The following NT5DC4 variants were observed in gnomAD, a reference collection of about 807,000 sequenced individuals.
NT5DC4 encodes the protein 5'-nucleotidase domain-containing protein 4.
In NT5DC4, 44 loss-of-function variants were observed where a neutral mutation model predicts 26.6. That is an observed-to-expected ratio of 1.65 (90% CI 1.30 to 2.13). The LOEUF (loss-of-function observed/expected upper bound fraction) is 2.13. NT5DC4 is among the 30% of genes most tolerant of loss of function. NT5DC4 has a pLI of 0.00. For synonymous variants in NT5DC4, 157 were observed against 86.7 expected, an observed-to-expected ratio of 1.81 and a Z score of -4.51; for missense variants, 399 against 228.1, an observed-to-expected ratio of 1.75 and a Z score of -4.83.
chr2:112,736,036 G>A lies in NT5DC4; in HGVS notation c.1345-2877G>A, dbSNP rs182085749. On this transcript the variant is annotated intron_variant, in intron 16 of 16. Coordinates refer to ENST00000688554, the MANE Select transcript of NT5DC4 (RefSeq NM_001393655.1). ...ATAAAACCACCATAAAGAGACAACT[G>A]ACTCCTAGGCCTGGGGTCAGGGGAG... Among the ~76,000 whole-genome samples the A allele has an allele frequency of 5.1e-3, 779 of 152,156 alleles. 5 individuals are homozygous for A. Among genetic ancestry groups the A allele is most frequent in the African/African-American group, 0.017 (720 of 41,500 alleles).
At chr2:112,741,253 T>C (rs1307694316), downstream of NT5DC4, among the ~76,000 whole-genome samples, 1 of 152,134 alleles carries the variant, frequency 6.6e-6, no homozygotes, top group Non-Finnish European at 1.5e-5. Context: ...ACGTAGATTC[T>C]TGACACCCTT....
chr2:112,720,494 A>G (rs892081123), upstream of NT5DC4, among the ~76,000 whole-genome samples: 16 of 152,188 alleles, frequency 1.1e-4, no homozygotes, highest in Middle Eastern at 6.8e-3. Flanking sequence ...GAGTATTTAG[A>G]ACTCTACACT....
chr2:112,721,313 C>A (rs1676839932), intron 1 of NT5DC4, among the ~76,000 whole-genome samples, 160 bp downstream of exon 1: 1 of 152,250 alleles, frequency 6.6e-6, no homozygotes, highest in Non-Finnish European at 1.5e-5. Context: ...ATAGCTGTAA[C>A]AACCCATCAG....
intron 16 of NT5DC4, among the ~76,000 whole-genome samples, chr2:112,734,169 A>ATATATATATGTGTGTGTG (rs150412692): frequency 7.4e-6 from 1 of 134,866 alleles, no homozygotes; most frequent in South Asian, 2.5e-4. Context: ...TATTATATAT[A>ATATATATATGTGTGTGTG]TGTGTGTGTG....
Position 112,725,164 on chromosome 2 carries a change from G to C in NT5DC4, c.916-10G>C, listed in dbSNP as rs1422669844. On this transcript the variant is annotated splice_polypyrimidine_tract_variant and intron_variant, in intron 11 of 16. Transcript: ENST00000688554. ...TCTCCTGGCTCCAGGGCACCCCTCT[G>C]CCCCTCCAGGACTCAGGAAAGCTCC... is the stretch of plus-strand genomic sequence containing the variant. The C allele has an allele frequency of 5.6e-6, 4 of 713,882 alleles. No individual in the cohort carries two copies. The highest frequency in any genetic ancestry group is 4.0e-5 in the Admixed American group (2 of 49,874). The allele number at this position is 713,882 out of a possible 1,614,324, so 44.2% of individuals were successfully genotyped here. A position where few individuals can be genotyped will look rare whatever the true frequency, so the allele number is the denominator to read the frequency against.
upstream of NT5DC4, among the ~76,000 whole-genome samples, chr2:112,719,920 CTTTCTCTTTCTTTCTTTCTT>C (rs1676691096): frequency 1.1e-5 from 1 of 87,922 alleles, no homozygotes; most frequent in Non-Finnish European, 2.0e-5. Flanking sequence ...TTCTTTCTTT[CTTTCTCTTTCTTTCTTTCTT>C]TCTTTCTTTC....
Position 112,725,168 on chromosome 2 carries a change from C to A in NT5DC4, c.916-6C>A, listed in dbSNP as rs960449852. The A allele has an allele frequency of 1.1e-5, 8 of 715,460 alleles. No homozygotes were observed. Among genetic ancestry groups the A allele is most frequent in the Admixed American group, 2.0e-5 (1 of 49,920 alleles). The allele number at this position is 715,460 out of a possible 1,614,324, so 44.3% of individuals were successfully genotyped here. A position where few individuals can be genotyped will look rare whatever the true frequency, so the allele number is the denominator to read the frequency against. On this transcript the variant is annotated splice_region_variant and splice_polypyrimidine_tract_variant and intron_variant, in intron 11 of 16. Transcript: ENST00000688554. ...CTGGCTCCAGGGCACCCCTCTGCCC[C>A]TCCAGGACTCAGGAAAGCTCCACGT... is the stretch of plus-strand genomic sequence containing the variant.
In NT5DC4 at chr2:112,721,138, A is replaced by G. The variant is rs1676824983; in HGVS notation, c.59A>G (p.Gln20Arg). The change falls in exon 1 of 17, where the codon CAG becomes CGG. Residue 20 changes from glutamine to arginine, a missense_variant. Coordinates refer to ENST00000688554, the MANE Select transcript of NT5DC4 (RefSeq NM_001393655.1). ...CTGGTCTCCCCTCAAGGCCCGAAGC[A>G]GGACTGGCACCAGCGGTGAGATGGG... ...EGLVSPQGPK[Q>R]DWHQRIFVNR... is the part of the protein sequence containing the mutation. 6.6e-6 allele frequency among the ~76,000 whole-genome samples: 1 copy of G among 152,206 alleles called. No homozygotes were observed. The highest frequency in any genetic ancestry group is 2.4e-5 in the African/African-American group (1 of 41,450).
chr2:112,734,169 ATGTGTGTGTGTGTGTGTGTGTG>A (rs59851361), intron 16 of NT5DC4, among the ~76,000 whole-genome samples: 2 of 134,786 alleles, frequency 1.5e-5, no homozygotes, highest in Non-Finnish European at 3.1e-5. Context: ...TATTATATAT[ATGTGTGTGTGTGTGTGTGTGTG>A]TGTGTGTGTG....
chr2:112,719,075 T>C (rs1324201287), upstream of NT5DC4, among the ~76,000 whole-genome samples: 1 of 152,252 alleles, frequency 6.6e-6, no homozygotes, highest in African/African-American at 2.4e-5. Flanking sequence ...GATTTCACCA[T>C]TGTGTGATGT....
intron 10 of NT5DC4, 48 bp from the exon 11 acceptor site, chr2:112,724,733 T>G: frequency 1.4e-6 from 1 of 710,108 alleles, no homozygotes. Context: ...TGTGGCAAGG[T>G]CAGATTTACC....
chr2:112,725,010 C>T lies in NT5DC4; in HGVS notation c.915+104C>T, dbSNP rs143120175. The T allele has an allele frequency of 4.1e-3, 2,749 of 664,412 alleles. 42 individuals carry two copies. The highest frequency in any genetic ancestry group is 1.7e-3 in the Non-Finnish European group (619 of 355,318). 41.2% of individuals were successfully genotyped at this position (664,412 alleles called of 1,614,324 possible). On this transcript the variant is annotated intron_variant, in intron 11 of 16. Coordinates refer to ENST00000688554, the MANE Select transcript of NT5DC4 (RefSeq NM_001393655.1). ...TGGCAGCTCTGCTGGCCTGTCTGTC[C>T]CTGGAGGCAGGGAACCCGAGGCCGC...
chr2:112,725,244 C>T lies in NT5DC4; in HGVS notation c.982+4C>T. 2.8e-6 allele frequency: 2 copies of T among 709,064 alleles called. No homozygotes were observed. The highest frequency in any genetic ancestry group is 5.4e-5 in the East Asian group (2 of 36,986). The allele number at this position is 709,064 out of a possible 1,614,324, so 43.9% of individuals were successfully genotyped here. A position where few individuals can be genotyped will look rare whatever the true frequency, so the allele number is the denominator to read the frequency against. ...CACTGTGCTGTCTACTCTGGAGGTA[C>T]CAGCTCCCACCATGCCCCATCACTC... On this transcript the variant is annotated splice_donor_region_variant and intron_variant, in intron 12 of 16. Coordinates refer to ENST00000688554, the MANE Select transcript of NT5DC4 (RefSeq NM_001393655.1).
chr2:112,723,747 T>C lies in NT5DC4; in HGVS notation c.701T>C (p.Met234Thr), dbSNP rs944056725. The part of the protein sequence containing the change: ...DPRLPILLGK[M>T]KEVGKVFLAT... ...CGCCTCCCCATCCTGCTGGGGAAGA[T>C]GAAGGAGGTTGGGAAAGTGTTTCTG... Residue 234 changes from methionine to threonine, a missense_variant, in exon 9 of 17, where the codon ATG (methionine) becomes ACG (threonine). Coordinates refer to ENST00000688554, the MANE Select transcript of NT5DC4 (RefSeq NM_001393655.1). The C allele has an allele frequency of 2.8e-6, 2 of 717,114 alleles. No individual in the cohort carries two copies. Among genetic ancestry groups the C allele is most frequent in the African/African-American group, 1.7e-5 (1 of 57,236 alleles). The allele number at this position is 717,114 out of a possible 1,614,324, so 44.4% of individuals were successfully genotyped here. A position where few individuals can be genotyped will look rare whatever the true frequency, so the allele number is the denominator to read the frequency against.
intron 16 of NT5DC4, among the ~76,000 whole-genome samples, chr2:112,733,149 C>A (rs547575111): frequency 6.6e-6 from 1 of 152,200 alleles, no homozygotes; most frequent in South Asian, 2.1e-4. Context: ...ACCTCCTACC[C>A]AGACACATTC....
intron 1 of NT5DC4, chr2:112,721,519 G>A (rs1676856626): frequency 2.8e-6 from 2 of 717,918 alleles, no homozygotes; most frequent in Non-Finnish European, 5.2e-6. Flanking sequence ...CTTTCTTACA[G>A]GGTTGGATGC....
rs886101943 is a variant in NT5DC4 at position 112,724,782 on chromosome 2, C to T, written c.791C>T (p.Ala264Val). ...IMTYLFSISE[A>V]EASGRPWRSY... is the part of the protein sequence containing the mutation. The stretch of plus-strand genomic sequence containing the variant: ...GCAGCCCGTGTGCACCCCCAACAGG[C>T]TGAAGCCTCGGGCAGGCCCTGGAGG... The change falls in exon 11 of 17, where the codon GCT becomes GTT. Residue 264 changes from alanine (A) to valine (V), a missense_variant and splice_region_variant. Physicochemically the swap from Ala to Val is moderately conservative, Grantham distance 64. Coordinates refer to ENST00000688554, the MANE Select transcript of NT5DC4 (RefSeq NM_001393655.1). 36 of 716,934 alleles carry T rather than the reference C, an allele frequency of 5.0e-5. No homozygotes were observed. Among genetic ancestry groups the T allele is most frequent in the Non-Finnish European group, 8.8e-5 (34 of 384,968 alleles). The allele number at this position is 716,934 out of a possible 1,614,324, so 44.4% of individuals were successfully genotyped here.
In NT5DC4 at chr2:112,726,728, G is replaced by A; in HGVS notation, c.1256G>A (p.Arg419Lys). ...CTGCAAGTCATCAACTTCACCAAGA[G>A]AGAGATCCAGGTGGGAGCTGGGTGG... ...CELQVINFTK[R>K]EIQMPHESVV... The change falls in exon 15 of 17, where the codon AGA (arginine) becomes AAA (lysine). Residue 419 changes from arginine (R) to lysine (K), a missense_variant. Coordinates refer to ENST00000688554, the MANE Select transcript of NT5DC4 (RefSeq NM_001393655.1). 3 of 717,544 alleles carry A rather than the reference G, an allele frequency of 4.2e-6. No individual in the cohort carries two copies. The highest frequency in any genetic ancestry group is 7.8e-6 in the Non-Finnish European group (3 of 385,108). 44.4% of individuals were successfully genotyped at this position (717,544 alleles called of 1,614,324 possible).
At position 112,722,128 on chromosome 2, in the gene NT5DC4, G is replaced by A. The variant is rs945392213; in HGVS notation, c.266+25G>A. Reference sequence around the variant, plus strand: ...GGTGTGTGGCTCAGGACAGGTGGGAGGCCACCCGGCCTTGGTACCCCCACC... The same window carrying A: ...GGTGTGTGGCTCAGGACAGGTGGGAAGCCACCCGGCCTTGGTACCCCCACC... On this transcript the variant is annotated intron_variant, in intron 3 of 16. Transcript: ENST00000688554. 10 of 713,308 alleles carry A rather than the reference G, an allele frequency of 1.4e-5. No homozygotes were observed. The Admixed American group carries it at 1.6e-4, about 12-fold the overall frequency. The allele number at this position is 713,308 out of a possible 1,614,324, so 44.2% of individuals were successfully genotyped here. A position where few individuals can be genotyped will look rare whatever the true frequency, so the allele number is the denominator to read the frequency against.
Sources: gnomAD v4.1 joint callset for allele counts (sites outside exome capture counted in the v4.1 genomes callset) on GRCh38, gnomAD v4.1.1 for gene constraint, MANE v1.5 for transcripts, NCBI Gene and HGNC (gene_info 2026-07-23, HGNC 2026-07-21) for gene names.